HIPK2: variants seen among roughly 807,000 people sequenced by gnomAD.
HIPK2 encodes homeodomain-interacting protein kinase 2.
In HIPK2, 27 loss-of-function variants were observed where a neutral mutation model predicts 113.7. The ratio of observed to expected loss-of-function variants is 0.24; its 90% CI spans 0.17 to 0.33. The LOEUF (loss-of-function observed/expected upper bound fraction) is 0.33, where lower values mean the gene tolerates loss of function less well. Among genes scored for constraint, HIPK2 ranks in the 10% least tolerant of loss-of-function variants. HIPK2 has a pLI of 1.00. For missense variants in HIPK2, 1,257 were observed against 1,588.0 expected, an observed-to-expected ratio of 0.79 and a Z score of 3.54; for synonymous variants, 631 against 642.2, an observed-to-expected ratio of 0.98 and a Z score of 0.26.
chr7:139,686,981 C>G (rs1218959639), intron 2 of HIPK2, among the ~76,000 whole-genome samples: 1 of 152,242 alleles, frequency 6.6e-6, no homozygotes, highest in Non-Finnish European at 1.5e-5. Context: ...TTAGCATCCA[C>G]CATCCTGATC....
chr7:139,615,777 A>G (rs1800018732), intron 7 of HIPK2, among the ~76,000 whole-genome samples: 1 of 152,224 alleles, frequency 6.6e-6, no homozygotes, highest in Non-Finnish European at 1.5e-5. Flanking sequence ...TGTTTTCTAT[A>G]CTTAGATTTT....
In HIPK2 at chr7:139,613,711, C is replaced by A. The variant is rs192775676; in HGVS notation, c.1991-388G>T. On this transcript the variant is annotated intron_variant, in intron 8 of 14. Transcript: ENST00000406875. This position sits in a 1 kb window ranked among gnomAD's most constrained non-coding sequence, Gnocchi z 4.2. ...TGGAATTGCATTGACTGTAACCACA[C>A]AGTTTACACCATGAGGCTTGCAAAA... Among the ~76,000 whole-genome samples, 1 of 152,284 alleles carries A rather than the reference C, an allele frequency of 6.6e-6. No individual in the cohort carries two copies. Among genetic ancestry groups the A allele is most frequent in the African/African-American group, 2.4e-5 (1 of 41,566 alleles).
At chr7:139,731,398 C>T (rs1043275392) in intron 1 of HIPK2, among the ~76,000 whole-genome samples, 1 of 152,168 alleles carries the variant, frequency 6.6e-6, no homozygotes, top group Admixed American at 6.5e-5. Context: ...TTCAAAACAA[C>T]AAAATTTCTA....
chr7:139,705,628 C>T (rs912772333), intron 2 of HIPK2, among the ~76,000 whole-genome samples: 8 of 152,052 alleles, frequency 5.3e-5, no homozygotes, highest in Non-Finnish European at 5.9e-5. Flanking sequence ...CCGCCCGCCT[C>T]GGCCTCCCAA....
intron 1 of HIPK2, among the ~76,000 whole-genome samples, chr7:139,760,494 C>T (rs1239458076): frequency 6.6e-6 from 1 of 151,970 alleles, no homozygotes; most frequent in East Asian, 1.9e-4. Flanking sequence ...TAATACATAC[C>T]CTTAGTGGAA....
At position 139,649,259 on chromosome 7, in the gene HIPK2, C is replaced by T. The variant is rs1272682211; in HGVS notation, c.1104-17534G>A. On this transcript the variant is annotated intron_variant, in intron 2 of 14. Transcript: ENST00000406875. Reference sequence around the variant, plus strand: ...TGACCACTGCTGCGGCGGGTGGCTGCGGGGGGCGGGCCGATGCAGCACCCC... The same window carrying T: ...TGACCACTGCTGCGGCGGGTGGCTGTGGGGGGCGGGCCGATGCAGCACCCC... Among the ~76,000 whole-genome samples the T allele has an allele frequency of 2.6e-5, 4 of 152,084 alleles. No homozygotes were observed. The East Asian group carries it at 5.8e-4, about 22-fold the overall frequency.
chr7:139,658,788 G>C (rs1801762241), intron 2 of HIPK2, among the ~76,000 whole-genome samples: 1 of 152,214 alleles, frequency 6.6e-6, no homozygotes, highest in Admixed American at 6.5e-5. Context: ...CAAAACCCCA[G>C]GTTGCTGAAG....
intron 1 of HIPK2, among the ~76,000 whole-genome samples, chr7:139,751,308 G>A (rs1335496049): frequency 6.6e-6 from 1 of 152,078 alleles, no homozygotes; most frequent in Non-Finnish European, 1.5e-5. Context: ...CTTCTGGAGA[G>A]ACAGGATTTA....
At chr7:139,732,843 G>A (rs1000009076) in intron 1 of HIPK2, among the ~76,000 whole-genome samples, 7 of 148,614 alleles carry the variant, frequency 4.7e-5, no homozygotes, top group Non-Finnish European at 1.0e-4. Flanking sequence ...GTGTGTGTGT[G>A]TATAAAATAG....
intron 2 of HIPK2, among the ~76,000 whole-genome samples, chr7:139,667,686 C>T (rs1012717628): frequency 2.6e-5 from 4 of 152,016 alleles, no homozygotes; most frequent in Non-Finnish European, 5.9e-5. Flanking sequence ...GCCAGATTCT[C>T]GGGAAAATAT....
intron 2 of HIPK2, among the ~76,000 whole-genome samples, chr7:139,666,367 CG>C (rs1802050121): frequency 6.6e-6 from 1 of 152,184 alleles, no homozygotes; most frequent in Non-Finnish European, 1.5e-5. Flanking sequence ...GCCTTCGCCA[CG>C]AAAGCACAGA....
In HIPK2 at chr7:139,602,663, C is replaced by T. The variant is rs528996114; in HGVS notation, c.2255+1418G>A. 4.9e-4 allele frequency among the ~76,000 whole-genome samples: 74 copies of T among 151,484 alleles called. 1 individual carries two copies. The highest frequency in any genetic ancestry group is 1.5e-3 in the African/African-American group (60 of 41,334). On this transcript the variant is annotated intron_variant, in intron 10 of 14. Coordinates refer to ENST00000406875, the MANE Select transcript of HIPK2 (RefSeq NM_022740.5). ...CCAGTTGGTCAGACAGCTTTCCACT[C>T]GGCTGCTCCTAAGGAGCTGGAGGAG...
intron 2 of HIPK2, among the ~76,000 whole-genome samples, chr7:139,686,352 G>A (rs994391384): frequency 6.6e-6 from 1 of 152,242 alleles, no homozygotes; most frequent in Non-Finnish European, 1.5e-5. Context: ...TATTTCTGGT[G>A]AAGATGCTGT....
chr7:139,706,334 T>C (rs1569477910), intron 2 of HIPK2, among the ~76,000 whole-genome samples: 1 of 152,136 alleles, frequency 6.6e-6, no homozygotes, highest in Non-Finnish European at 1.5e-5. Context: ...TCAGAGATGC[T>C]AGATGCTGTG....
chr7:139,689,781 C>T (rs1794342550), intron 2 of HIPK2, among the ~76,000 whole-genome samples: 1 of 152,064 alleles, frequency 6.6e-6, no homozygotes, highest in Non-Finnish European at 1.5e-5. Context: ...GGAGCCAGGA[C>T]TAACTGGGGT....
intron 2 of HIPK2, among the ~76,000 whole-genome samples, chr7:139,668,460 G>A (rs944808784): frequency 1.3e-5 from 2 of 151,680 alleles, no homozygotes; most frequent in African/African-American, 4.8e-5. Flanking sequence ...TACTCGGGAG[G>A]CTGAGGCAGG....
At chr7:139,706,594 CT>C (rs1484277429) in intron 2 of HIPK2, among the ~76,000 whole-genome samples, 1 of 152,142 alleles carries the variant, frequency 6.6e-6, no homozygotes, top group Non-Finnish European at 1.5e-5. Flanking sequence ...GCTCAACCTG[CT>C]TCTACTGTTT....
Position 139,596,822 on chromosome 7 carries a change from T to C in HIPK2, c.2612A>G (p.Gln871Arg), listed in dbSNP as rs1799232771. ...DVASSTTRER[Q>R]RQTIVIPDTP... ...GTCGGGAATGACAATTGTCTGCCGCTGCCGTTCCCGGGTGGTGCTGGAGGC... is the reference window on the plus strand; with the variant it reads ...GTCGGGAATGACAATTGTCTGCCGCCGCCGTTCCCGGGTGGTGCTGGAGGC... Residue 871 changes from glutamine to arginine, a missense_variant, in exon 12 of 15, where the codon CAG becomes CGG. Physicochemically the swap from Gln to Arg is conservative, Grantham distance 43. Around this residue, in one of 5 missense-constraint regions of HIPK2, gnomAD observed 862 missense variants for 1,004.3 expected, o/e 0.86. Coordinates refer to ENST00000406875, the MANE Select transcript of HIPK2 (RefSeq NM_022740.5). 1 of 1,613,994 alleles carries C rather than the reference T, an allele frequency of 6.2e-7. No homozygotes were observed. Among genetic ancestry groups the C allele is most frequent in the Non-Finnish European group, 8.5e-7 (1 of 1,179,882 alleles).
intron 2 of HIPK2, among the ~76,000 whole-genome samples, chr7:139,705,337 T>G (rs2116878921): frequency 6.6e-6 from 1 of 152,138 alleles, no homozygotes; most frequent in South Asian, 2.1e-4. Flanking sequence ...CAACCTCATC[T>G]TCTCTTAAAA....
Sources: gnomAD v4.1 joint callset for allele counts (sites outside exome capture counted in the v4.1 genomes callset) on GRCh38, gnomAD v4.1.1 for gene constraint, gnomAD v4.1.1 regional missense constraint, Gnocchi (gnomAD v3.1) non-coding constraint, MANE v1.5 for transcripts, NCBI Gene and HGNC (gene_info 2026-07-23, HGNC 2026-07-21) for gene names.